The following FAM111B variants were observed in gnomAD, a reference collection of about 807,000 sequenced individuals.
FAM111B encodes FAM111 trypsin like peptidase B, also known as serine protease FAM111B.
Under a neutral mutation model 2.8 loss-of-function variants are expected in FAM111B, and 1 was observed. That is an observed-to-expected ratio of 0.36 (90% confidence interval 0.13 to 1.70). The LOEUF is 1.70. Ranked by LOEUF, FAM111B falls within the 40% of genes most tolerant of loss-of-function variation. The probability of loss-of-function intolerance (pLI) is 0.35; values close to 1 mark genes in which losing one functional copy is unlikely to be tolerated. For synonymous variants in FAM111B, 297 were observed against 295.6 expected, an observed-to-expected ratio of 1.00 and a Z score of -0.05; for missense variants, 882 against 878.9, an observed-to-expected ratio of 1.00 and a Z score of -0.04.
At chr11:59,113,527 C>G (rs1859791968) in intron 3 of FAM111B, among the ~76,000 whole-genome samples, 1 of 152,232 alleles carries the variant, frequency 6.6e-6, no homozygotes, top group African/African-American at 2.4e-5. Context: ...GTCCAGAGAA[C>G]TGTGAGTGGC....
chr11:59,122,564 T>C (rs1171435759), intron 3 of FAM111B, among the ~76,000 whole-genome samples: 1 of 152,196 alleles, frequency 6.6e-6, no homozygotes, highest in East Asian at 1.9e-4. Context: ...CACAGGATAC[T>C]AGCTTGAGTA....
In FAM111B at chr11:59,124,283, G is replaced by A. The variant is rs148727780; in HGVS notation, c.186G>A (p.Lys62=). 10 of 1,613,684 alleles carry A rather than the reference G, an allele frequency of 6.2e-6. No homozygotes were observed. The highest frequency in any genetic ancestry group is 7.6e-6 in the Non-Finnish European group (9 of 1,179,818). ...TTAAGCTTAAAAGTGAAGTCAACAA[G>A]CATGAAACAGCCCTTGAAATGCAGA... ...STFKLKSEVN[K]HETALEMQNP... The change falls in exon 4 of 4, where the codon AAG becomes AAA. Residue 62 remains lysine (K), a synonymous_variant. Coordinates refer to ENST00000343597, the MANE Select transcript of FAM111B (RefSeq NM_198947.4).
chr11:59,107,561 G>T (rs1002829373), intron 1 of FAM111B, among the ~76,000 whole-genome samples: 18 of 152,282 alleles, frequency 1.2e-4, no homozygotes, highest in African/African-American at 3.9e-4. Context: ...GCCCGGTGCC[G>T]TTCGCGCCCA....
intron 3 of FAM111B, among the ~76,000 whole-genome samples, chr11:59,118,177 C>T (rs181459262): frequency 1.5e-4 from 23 of 152,312 alleles, no homozygotes; most frequent in Admixed American, 4.6e-4. Context: ...AAGGAGGAGC[C>T]TCTGATCCTT....
chr11:59,111,819 G>GA (rs1189303903), intron 3 of FAM111B, among the ~76,000 whole-genome samples: 3 of 151,770 alleles, frequency 2.0e-5, no homozygotes, highest in African/African-American at 7.3e-5. Context: ...GAATGAGAGG[G>GA]AAAAATCAAA....
rs1212545262 is a variant in FAM111B at position 59,125,393 on chromosome 11, C to T, written c.1296C>T (p.Asn432=). 6.2e-7 allele frequency: 1 copy of T among 1,613,780 alleles called. No individual in the cohort carries two copies. The highest frequency in any genetic ancestry group is 1.3e-5 in the African/African-American group (1 of 74,874). The part of the protein sequence containing the change: ...RMNLSPAKQF[N]IYKKDFGKMT... ...ATCTTTCACCAGCTAAGCAATTCAA[C>T]ATATATAAAAAGGACTTCGGAAAAA... The change falls in exon 4 of 4, where the codon AAC becomes AAT. Residue 432 remains asparagine (N), a synonymous_variant. Transcript: ENST00000343597.
Position 59,125,255 on chromosome 11 carries a change from T to C in FAM111B, c.1158T>C (p.Asn386=), listed in dbSNP as rs770396323. ...INLDVQKEAI[N]LLKNYQTLNE... ...TGGATGTCCAAAAGGAGGCAATTAA[T>C]CTCTTAAAGAATTATCAAACGTTGA... Residue 386 remains asparagine (N), a synonymous_variant, in exon 4 of 4, where the codon AAT becomes AAC. Transcript: ENST00000343597. 4 of 1,613,866 alleles carry C rather than the reference T, an allele frequency of 2.5e-6. No homozygotes were observed. The South Asian group carries it at 4.4e-5, about 18-fold the overall frequency.
chr11:59,115,667 G>A, intron 3 of FAM111B, among the ~76,000 whole-genome samples: 1 of 152,212 alleles, frequency 6.6e-6, no homozygotes, highest in East Asian at 1.9e-4. Context: ...TGTGTTGGGT[G>A]GAGTGTAGAG....
At chr11:59,112,222 A>G (rs1420306865) in intron 3 of FAM111B, among the ~76,000 whole-genome samples, 1 of 152,200 alleles carries the variant, frequency 6.6e-6, no homozygotes, top group Non-Finnish European at 1.5e-5. Context: ...CTCTAGTGTT[A>G]ACTTTTCCAG....
chr11:59,111,308 G>A (rs573865438), intron 3 of FAM111B, among the ~76,000 whole-genome samples: 18 of 152,274 alleles, frequency 1.2e-4, no homozygotes, highest in Admixed American at 6.5e-4. Flanking sequence ...ATTTCCATAC[G>A]TGTATGGCTC....
chr11:59,126,473 G>T lies in FAM111B; in HGVS notation c.*171G>T. 2.0e-6 allele frequency: 1 copy of T among 492,398 alleles called. No individual in the cohort carries two copies. Among genetic ancestry groups the T allele is most frequent in the Non-Finnish European group, 3.4e-6 (1 of 292,192 alleles). The allele number at this position is 492,398 out of a possible 1,614,324, so 30.5% of individuals were successfully genotyped here. Reference sequence around the variant, plus strand: ...AGGGTAAACACACAACCTACGGAATGGGAGAAAATATTTGCAAACTATGCA... The same window carrying T: ...AGGGTAAACACACAACCTACGGAATTGGAGAAAATATTTGCAAACTATGCA... On this transcript the variant is annotated 3_prime_UTR_variant, in exon 4 of 4. Transcript: ENST00000343597.
chr11:59,123,965 A>G (rs897129656), intron 3 of FAM111B, among the ~76,000 whole-genome samples: 1 of 152,178 alleles, frequency 6.6e-6, no homozygotes, highest in African/African-American at 2.4e-5. Flanking sequence ...AGAAAACAAA[A>G]TCAAAGTATA....
At chr11:59,113,210 G>GTTAA (rs5792143) in intron 3 of FAM111B, among the ~76,000 whole-genome samples, 106,770 of 151,644 alleles carry the variant, frequency 0.7, 38,508 homozygotes, top group African/African-American at 0.86. Context: ...TAAATTGTGT[G>GTTAA]TTGTGTAAAA....
chr11:59,111,826 C>A (rs1408279119), intron 3 of FAM111B, among the ~76,000 whole-genome samples: 1 of 151,744 alleles, frequency 6.6e-6, no homozygotes. Context: ...AGGGAAAAAT[C>A]AAAGTAAAGG....
At position 59,124,915 on chromosome 11, in the gene FAM111B, C is replaced by T; in HGVS notation, c.818C>T (p.Ala273Val). 2 of 1,596,982 alleles carry T rather than the reference C, an allele frequency of 1.3e-6. No homozygotes were observed. The highest frequency in any genetic ancestry group is 2.2e-5 in the East Asian group (1 of 44,784). Residue 273 changes from alanine to valine, a missense_variant, in exon 4 of 4, where the codon GCA becomes GTA. Transcript: ENST00000343597. ...VLEMDISKKKALQQKDIHKKI... is the reference protein window; with the variant it reads ...VLEMDISKKKVLQQKDIHKKI... ...GAAATGGACATTTCAAAAAAAAAAG[C>T]ATTACAACAGAAAGATATCCATAAA...
chr11:59,122,498 T>C (rs1859939361), intron 3 of FAM111B, among the ~76,000 whole-genome samples: 1 of 152,218 alleles, frequency 6.6e-6, no homozygotes, highest in African/African-American at 2.4e-5. Flanking sequence ...TAATATGTTT[T>C]ACAGTTTTTT....
At chr11:59,107,670 G>A (rs1859685655) in intron 1 of FAM111B, among the ~76,000 whole-genome samples, 1 of 152,176 alleles carries the variant, frequency 6.6e-6, no homozygotes, top group Admixed American at 6.5e-5. Context: ...AGTGTAGTGT[G>A]AGGGTGCTTC....
intron 3 of FAM111B, among the ~76,000 whole-genome samples, chr11:59,122,128 C>T (rs562032335): frequency 3.9e-5 from 6 of 152,050 alleles, no homozygotes; most frequent in East Asian, 3.9e-4. Flanking sequence ...GGCGACAGAG[C>T]GAGACTCCGT....
chr11:59,125,057 CA>C lies in FAM111B; in HGVS notation c.961del (p.Arg321GlufsTer10). On this transcript the variant is annotated frameshift_variant, in exon 4 of 4. Coordinates refer to ENST00000343597, the MANE Select transcript of FAM111B (RefSeq NM_198947.4). LOFTEE classifies it low-confidence loss of function (END_TRUNC). ...DGETKDVEHS[R>X]EQILPPQDLS... ...GAGAGACCAAAGATGTAGAACACAG[CA>C]GAGAGCAAATTCTCCCACCTCAGGA... is the stretch of plus-strand genomic sequence containing the variant. The C allele has an allele frequency of 6.2e-7, 1 of 1,613,392 alleles. No individual in the cohort carries two copies. The highest frequency in any genetic ancestry group is 8.5e-7 in the Non-Finnish European group (1 of 1,179,748).
Sources: gnomAD v4.1 joint callset for allele counts (sites outside exome capture counted in the v4.1 genomes callset) on GRCh38, gnomAD v4.1.1 for gene constraint, MANE v1.5 for transcripts, NCBI Gene and HGNC (gene_info 2026-07-23, HGNC 2026-07-21) for gene names.